EP400: variants seen among roughly 807,000 people sequenced by gnomAD.
EP400 encodes the protein E1A-binding protein p400.
Under a neutral mutation model 354.1 loss-of-function variants are expected in EP400, and 105 were observed. The observed-to-expected ratio is 0.30, with a 90% confidence interval of 0.25 to 0.35. The LOEUF (loss-of-function observed/expected upper bound fraction) is 0.35. Ranked by LOEUF, EP400 falls within the 10% of genes least tolerant of loss-of-function variation. EP400 has a pLI of 1.00. For missense variants in EP400, 3,280 were observed against 4,121.0 expected (o/e 0.80, Z 5.59); for synonymous variants, 1,646 against 1,716.9 (o/e 0.96, Z 1.02).
chr12:132,069,731 C>A, intron 51 of EP400, 90 bp downstream of exon 51: 2 of 1,556,166 alleles, frequency 1.3e-6, no homozygotes, highest in Admixed American at 1.8e-5. Flanking sequence ...GAGCTCCCAG[C>A]CCTTGCGGCT....
intron 1 of EP400, among the ~76,000 whole-genome samples, chr12:131,960,246 AG>A (rs1891834105): frequency 6.6e-6 from 1 of 152,204 alleles, no homozygotes; most frequent in Non-Finnish European, 1.5e-5. Context: ...ATGGGGTGTG[AG>A]TAGTACCTAC....
In EP400 at chr12:131,986,892, A is replaced by T. The variant is rs140906217; in HGVS notation, c.2223+85A>T. The stretch of plus-strand genomic sequence containing the variant: ...AATTGTCAAGAATGTGATGGCGTAA[A>T]ACCGAATGCCTGGTCAATTCAGCAT... On this transcript the variant is annotated intron_variant, in intron 6 of 52. Transcript: ENST00000389561. 2.1e-6 allele frequency: 3 copies of T among 1,453,778 alleles called. No individual in the cohort carries two copies. In the African/African-American group the frequency reaches 4.2e-5, roughly 21 times the overall value. The allele number at this position is 1,453,778 out of a possible 1,614,324, so 90.1% of individuals were successfully genotyped here.
In EP400 at chr12:132,025,866, C is replaced by T; in HGVS notation, c.5014+62C>T. ...ATGCTTCTTTCTCTTCCATCTAAGG[C>T]GAGTGGAAAGCATTCATGTGTCTTT... On this transcript the variant is annotated intron_variant, in intron 25 of 52. Transcript: ENST00000389561. The surrounding 1 kb of genome is among the most constrained non-coding windows in gnomAD (Gnocchi z 4.1). 3 of 1,484,628 alleles carry T rather than the reference C, an allele frequency of 2.0e-6. No individual in the cohort carries two copies. The highest frequency in any genetic ancestry group is 1.4e-5 in the South Asian group (1 of 72,228). The allele number at this position is 1,484,628 out of a possible 1,614,324, so 92.0% of individuals were successfully genotyped here. A position where few individuals can be genotyped will look rare whatever the true frequency, so the allele number is the denominator to read the frequency against.
chr12:132,053,706 A>G (rs1215780935), intron 43 of EP400, 109 bp downstream of exon 43: 4 of 1,256,840 alleles, frequency 3.2e-6, no homozygotes, highest in African/African-American at 3.1e-5. Flanking sequence ...GTTCTAGCAC[A>G]TTTCCAGCTT....
intron 35 of EP400, 123 bp downstream of exon 35, chr12:132,044,434 C>A: frequency 7.3e-7 from 1 of 1,361,588 alleles, no homozygotes; most frequent in Non-Finnish European, 9.8e-7. Context: ...ATTTTTACTT[C>A]TCATATCAAC....
chr12:132,058,540 C>T (rs918860333), intron 45 of EP400, among the ~76,000 whole-genome samples: 5 of 151,114 alleles, frequency 3.3e-5, no homozygotes, highest in East Asian at 1.9e-4. Flanking sequence ...TTGGTAGAGA[C>T]GGGGTTTCAC....
rs915108036 is a variant in EP400 at position 132,038,878 on chromosome 12, G to GT, written c.6207+784dup. Among the ~76,000 whole-genome samples, 8 of 152,184 alleles carry GT rather than the reference G, an allele frequency of 5.3e-5. No individual in the cohort carries two copies. Among genetic ancestry groups the GT allele is most frequent in the African/African-American group, 1.9e-4 (8 of 41,434 alleles). The stretch of plus-strand genomic sequence containing the variant: ...TGGCCCTGCCACTCCTCCAGAACTT[G>GT]TTGTGGGGTCCCCGTTTCTGTGCCT... On this transcript the variant is annotated intron_variant, in intron 32 of 52. Coordinates refer to ENST00000389561, the MANE Select transcript of EP400 (RefSeq NM_015409.5). This position sits in a 1 kb window ranked among gnomAD's most constrained non-coding sequence, Gnocchi z 4.2.
chr12:132,069,875 G>C (rs953583846), intron 51 of EP400, among the ~76,000 whole-genome samples: 1 of 152,162 alleles, frequency 6.6e-6, no homozygotes, highest in Non-Finnish European at 1.5e-5. Context: ...TCTGGACGTC[G>C]ATCTCCAGCT....
At chr12:132,022,530 T>C (rs76658838) in intron 23 of EP400, among the ~76,000 whole-genome samples, 5,588 of 152,322 alleles carry the variant, frequency 0.037, 166 homozygotes, top group South Asian at 0.073. Flanking sequence ...GTATCAACCA[T>C]TGGGAAATAA....
At chr12:132,047,642 G>A (rs1895150920) in intron 39 of EP400, among the ~76,000 whole-genome samples, 1 of 152,332 alleles carries the variant, frequency 6.6e-6, no homozygotes, top group Non-Finnish European at 1.5e-5. Flanking sequence ...GAGGCAGGGC[G>A]AGATCACAGG....
chr12:132,064,581 G>A, intron 47 of EP400, 87 bp from the exon 48 acceptor site: 1 of 1,525,940 alleles, frequency 6.6e-7, no homozygotes, highest in Non-Finnish European at 8.8e-7. Context: ...TTAATGGGCA[G>A]TAGAGGGGTG....
chr12:132,067,718 A>AG lies in EP400; in HGVS notation c.8874+237dup, dbSNP rs1259566548. On this transcript the variant is annotated intron_variant, in intron 50 of 52. Transcript: ENST00000389561. The surrounding 1 kb of genome is among the most constrained non-coding windows in gnomAD (Gnocchi z 5.3). ...GGCTGAGGTCTTGGCAGGGGGATGG[A>AG]GGGGGTATAGTCTGTGAGGATGGCT... 5.4e-5 allele frequency among the ~76,000 whole-genome samples: 8 copies of AG among 146,900 alleles called. No homozygotes were observed. The Admixed American group carries it at 5.5e-4, about 10-fold the overall frequency.
rs1304794915 is a variant in EP400, at chr12:132,005,056, T to G, written c.2828-21T>G. 3 of 1,548,384 alleles carry G rather than the reference T, an allele frequency of 1.9e-6. No homozygotes were observed. The African/African-American group carries it at 4.1e-5, about 21-fold the overall frequency. On this transcript the variant is annotated intron_variant, in intron 12 of 52. Coordinates refer to ENST00000389561, the MANE Select transcript of EP400 (RefSeq NM_015409.5). The stretch of plus-strand genomic sequence containing the variant: ...GTTGTTGTTATAAAGTAACAGCCCT[T>G]CTGCCCGCAACCCTCTGCAGCTGAG...
chr12:132,054,120 C>G lies in EP400; in HGVS notation c.7728+523C>G, dbSNP rs1345743369. Among the ~76,000 whole-genome samples, 8 of 152,206 alleles carry G rather than the reference C, an allele frequency of 5.3e-5. No individual in the cohort carries two copies. Among genetic ancestry groups the G allele is most frequent in the Admixed American group, 5.2e-4 (8 of 15,278 alleles). On this transcript the variant is annotated intron_variant, in intron 43 of 52. Coordinates refer to ENST00000389561, the MANE Select transcript of EP400 (RefSeq NM_015409.5). The surrounding 1 kb of genome is among the most constrained non-coding windows in gnomAD (Gnocchi z 4.0). ...GGACTGTGGCCATGCACACCACGCT[C>G]TGGTGTATCTCTGTACTGTGTGCGT...
Position 132,005,139 on chromosome 12 carries a change from T to C in EP400, c.2890T>C (p.Trp964Arg), listed in dbSNP as rs1211713192. 1.3e-6 allele frequency: 2 copies of C among 1,588,256 alleles called. No individual in the cohort carries two copies. The highest frequency in any genetic ancestry group is 1.7e-6 in the Non-Finnish European group (2 of 1,167,506). ...YEGAFLPSSQ[W>R]PRPKPDGEDT... is the part of the protein sequence containing the mutation. Reference sequence around the variant, plus strand: ...AGGCGCCTTCCTGCCGAGTTCTCAGTGGCCCCGGCCGAAGCCTGATGGGGA... The same window carrying C: ...AGGCGCCTTCCTGCCGAGTTCTCAGCGGCCCCGGCCGAAGCCTGATGGGGA... The change falls in exon 13 of 53, where the codon TGG becomes CGG. Residue 964 changes from tryptophan (W) to arginine (R), a missense_variant. Around this residue, in one of 20 missense-constraint regions of EP400, gnomAD observed 800 missense variants for 840.0 expected, o/e 0.95. Coordinates refer to ENST00000389561, the MANE Select transcript of EP400 (RefSeq NM_015409.5).
At chr12:131,970,474 G>T (rs1220317331) in intron 2 of EP400, among the ~76,000 whole-genome samples, 1 of 152,208 alleles carries the variant, frequency 6.6e-6, no homozygotes, top group Non-Finnish European at 1.5e-5. Context: ...TCTTGTGTTT[G>T]TGCACCAGGA....
chr12:132,012,647 G>A (rs1021014047), intron 16 of EP400, among the ~76,000 whole-genome samples: 14 of 152,284 alleles, frequency 9.2e-5, no homozygotes, highest in East Asian at 7.7e-4. Context: ...TTGCAATACA[G>A]ATGTTGACAT....
rs1412934611 is a variant in EP400, at chr12:132,006,276, A to G, written c.3100A>G (p.Lys1034Glu). The G allele has an allele frequency of 6.2e-7, 1 of 1,614,238 alleles. No homozygotes were observed. The highest frequency in any genetic ancestry group is 8.5e-7 in the Non-Finnish European group (1 of 1,180,050). Reference protein sequence around the residue: ...VTAVAEAILPKGSARVTTSVK... With the variant: ...VTAVAEAILPEGSARVTTSVK... Reference sequence around the variant, plus strand: ...TGCGGTGGCTGAAGCCATCCTGCCGAAGGGCAGTGCTCGGGTCACAACCTC... The same window carrying G: ...TGCGGTGGCTGAAGCCATCCTGCCGGAGGGCAGTGCTCGGGTCACAACCTC... Residue 1034 changes from lysine to glutamate, a missense_variant, in exon 14 of 53, where the codon AAG (lysine) becomes GAG (glutamate). By Grantham distance (56) the Lys-to-Glu change is moderately conservative. Transcript: ENST00000389561.
chr12:132,044,246 C>T lies in EP400; in HGVS notation c.6520C>T (p.Arg2174Trp), dbSNP rs771312022. Residue 2174 changes from arginine to tryptophan, a missense_variant, in exon 35 of 53, where the codon CGG (arginine) becomes TGG (tryptophan). Around this residue, in one of 20 missense-constraint regions of EP400, gnomAD observed 231 missense variants for 257.9 expected, o/e 0.90. Transcript: ENST00000389561. Reference sequence around the variant, plus strand: ...GAAGACCCTGCAGGAGAGGGAGGCCCGGCTGCGGCTGGAGCAGGAGGAGGC... The same window carrying T: ...GAAGACCCTGCAGGAGAGGGAGGCCTGGCTGCGGCTGGAGCAGGAGGAGGC... ...NLKTLQEREA[R>W]LRLEQEEAEL... The T allele has an allele frequency of 1.2e-5, 19 of 1,614,180 alleles. No homozygotes were observed. The highest frequency in any genetic ancestry group is 4.5e-5 in the East Asian group (2 of 44,888).
Sources: gnomAD v4.1 joint callset for allele counts (sites outside exome capture counted in the v4.1 genomes callset) on GRCh38, gnomAD v4.1.1 for gene constraint, gnomAD v4.1.1 regional missense constraint, Gnocchi (gnomAD v3.1) non-coding constraint, MANE v1.5 for transcripts, NCBI Gene and HGNC (gene_info 2026-07-23, HGNC 2026-07-21) for gene names.